The following HEATR4 variants were observed in gnomAD, a reference collection of about 807,000 sequenced individuals.
HEATR4 encodes HEAT repeat containing 4.
Under a neutral mutation model 108.8 loss-of-function variants are expected in HEATR4, and 95 were observed. The ratio of observed to expected loss-of-function variants is 0.87; its 90% CI spans 0.74 to 1.04. The LOEUF (loss-of-function observed/expected upper bound fraction) is 1.04, where lower values mean the gene tolerates loss of function less well. Among genes scored for constraint, HEATR4 ranks in the 50% least tolerant of loss-of-function variants. HEATR4 has a pLI of 0.00. For missense variants in HEATR4, 1,152 were observed against 1,253.8 expected (o/e 0.92, Z 1.23); for synonymous variants, 443 against 459.4 (o/e 0.96, Z 0.46).
chr14:73,564,697 T>A, the HEATR4 span, among the ~76,000 whole-genome samples: 25 of 151,458 alleles, frequency 1.7e-4, no homozygotes, highest in African/African-American at 4.3e-4. Context: ...GTGTGTTTTT[T>A]AATTTTCATG....
chr14:73,541,642 C>T, intron 1 of HEATR4: 1 of 1,243,248 alleles, frequency 8.0e-7, no homozygotes, highest in Non-Finnish European at 1.1e-6. Context: ...CATGGAGACG[C>T]TCCATCTGGA....
the HEATR4 span, chr14:73,594,946 C>T: frequency 7.1e-7 from 1 of 1,400,372 alleles, no homozygotes; most frequent in Admixed American, 1.9e-5. Context: ...CTCAAGTGAT[C>T]CGCCCGCCTC....
chr14:73,569,614 A>G, the HEATR4 span: 1 of 1,600,974 alleles, frequency 6.2e-7, no homozygotes, highest in Non-Finnish European at 8.5e-7. Flanking sequence ...CTGGACCTGG[A>G]GCGCGCGCCC....
rs549283883 is a variant in HEATR4 at position 73,546,361 on chromosome 14, A to ATT, written c.-152+12388_-152+12389dup. 2.3e-3 allele frequency among the ~76,000 whole-genome samples: 219 copies of ATT among 93,320 alleles called. 32 individuals carry two copies. Among genetic ancestry groups the ATT allele is most frequent in the African/African-American group, 7.3e-3 (209 of 28,558 alleles). 61.2% of individuals were successfully genotyped at this position (93,320 alleles called of 152,430 possible). A position where few individuals can be genotyped will look rare whatever the true frequency, so the allele number is the denominator to read the frequency against. ...ACCTATCAGCCTCTTGACATTTCGT[A>ATT]TTTTTTTTTTTTTTTTGAGACGAGA... On this transcript the variant is annotated intron_variant, in intron 1 of 17. Transcript: ENST00000553558.
intron 1 of HEATR4, among the ~76,000 whole-genome samples, chr14:73,536,524 A>G (rs1295411259): frequency 1.9e-5 from 2 of 102,590 alleles, no homozygotes; most frequent in African/African-American, 6.1e-5. Context: ...TTTAAAAAAA[A>G]AAAAAAAAAA....
intron 10 of HEATR4, among the ~76,000 whole-genome samples, chr14:73,505,351 G>A (rs898138250): frequency 6.6e-6 from 1 of 151,916 alleles, no homozygotes; most frequent in Non-Finnish European, 1.5e-5. Flanking sequence ...TCCTACCATA[G>A]TGTTAATTTT....
At chr14:73,608,232 C>G in the HEATR4 span, among the ~76,000 whole-genome samples, 1 of 152,156 alleles carries the variant, frequency 6.6e-6, no homozygotes, top group Admixed American at 6.5e-5. Flanking sequence ...CAGGGTTTTT[C>G]TTTTCTATAG....
the HEATR4 span, among the ~76,000 whole-genome samples, chr14:73,589,487 T>C: frequency 8.5e-5 from 13 of 152,240 alleles, no homozygotes; most frequent in African/African-American, 2.6e-4. Context: ...GCCCCACTAA[T>C]TTTTGTATTG....
intron 17 of HEATR4, chr14:73,491,562 A>G: frequency 6.5e-7 from 1 of 1,538,684 alleles, no homozygotes; most frequent in African/African-American, 1.4e-5. Context: ...CCGGCCTGGG[A>G]CTCCCCGCTG....
the HEATR4 span, among the ~76,000 whole-genome samples, chr14:73,606,031 G>T: frequency 6.6e-6 from 1 of 152,098 alleles, no homozygotes; most frequent in Admixed American, 6.6e-5. Flanking sequence ...CAGTGCAAAA[G>T]AACAGCTTCA....
chr14:73,592,373 G>C, the HEATR4 span: 3 of 1,569,194 alleles, frequency 1.9e-6, no homozygotes, highest in East Asian at 4.7e-5. Flanking sequence ...GGCGCCAGTC[G>C]GTGCGAGCGG....
At position 73,508,251 on chromosome 14, in the gene HEATR4, C is replaced by T; in HGVS notation, c.1764G>A (p.Leu588=). ...TCACAGGGTAAGTAGCAGTACCTTC[C>T]AGAGCCAAGCACTGAGCTGCAGCCC... ...DSWAAAQCLA[L]EGTATYPVIK... Residue 588 remains leucine (L), a synonymous_variant, in exon 9 of 18, where the codon CTG becomes CTA. Transcript: ENST00000553558. 1 of 1,614,060 alleles carries T rather than the reference C, an allele frequency of 6.2e-7. No homozygotes were observed. Among genetic ancestry groups the T allele is most frequent in the Non-Finnish European group, 8.5e-7 (1 of 1,180,008 alleles).
the HEATR4 span, chr14:73,592,149 C>T: frequency 2.5e-6 from 4 of 1,593,414 alleles, no homozygotes; most frequent in South Asian, 2.3e-5. Flanking sequence ...GGACCTGGAG[C>T]GCGCACCCGC....
chr14:73,586,336 G>C, the HEATR4 span, among the ~76,000 whole-genome samples: 1 of 151,924 alleles, frequency 6.6e-6, no homozygotes, highest in Non-Finnish European at 1.5e-5. Context: ...AGAGTTTGCC[G>C]TGAGCCGAGA....
chr14:73,588,184 C>T, the HEATR4 span, among the ~76,000 whole-genome samples: 1 of 151,942 alleles, frequency 6.6e-6, no homozygotes, highest in Non-Finnish European at 1.5e-5. Flanking sequence ...TATCTTAGTA[C>T]AGACAGGGTT....
chr14:73,606,671 G>A, the HEATR4 span, among the ~76,000 whole-genome samples: 1 of 152,054 alleles, frequency 6.6e-6, no homozygotes. Context: ...CACAGAGAAA[G>A]GAAAATTCAA....
intron 1 of HEATR4, 126 bp from the exon 2 acceptor site, chr14:73,530,370 CACAAT>C (rs1349285385): frequency 7.4e-6 from 1 of 134,730 alleles, no homozygotes; most frequent in Non-Finnish European, 1.6e-5. Context: ...AGGTTTAATA[CACAAT>C]ACATTTAAAG....
intron 3 of HEATR4, 134 bp downstream of exon 3, chr14:73,522,138 G>C: frequency 1.1e-6 from 1 of 929,020 alleles, no homozygotes; most frequent in Middle Eastern, 3.5e-4. Context: ...AGCTCTCAGA[G>C]AGCAGGCCGG....
intron 17 of HEATR4, among the ~76,000 whole-genome samples, chr14:73,486,351 C>T (rs761280271): frequency 5.9e-5 from 9 of 152,186 alleles, no homozygotes; most frequent in African/African-American, 1.2e-4. Context: ...TTTTATTTCT[C>T]TTTCTCACCA....
Sources: allele counts gnomAD v4.1 joint callset (sites outside exome capture counted in the v4.1 genomes callset), GRCh38; gene constraint gnomAD v4.1.1; transcripts MANE v1.5; gene names NCBI Gene and HGNC (gene_info 2026-07-23, HGNC 2026-07-21).